Variants in CD200R1L observed in about 807,000 individuals in gnomAD.
The protein encoded by CD200R1L is cell surface glycoprotein CD200 receptor 2.
A neutral mutation model predicts 24.8 loss-of-function variants in CD200R1L; 14 were observed. The observed-to-expected ratio is 0.56, with a 90% CI of 0.37 to 0.88. CD200R1L has a LOEUF of 0.88. Among genes scored for constraint, CD200R1L ranks in the 40% least tolerant of loss-of-function variants. CD200R1L has a pLI of 0.00. For missense variants in CD200R1L, 299 were observed against 297.8 expected (o/e 1.00, Z -0.03); for synonymous variants, 111 against 109.2 (o/e 1.02, Z -0.11).
Position 112,819,683 on chromosome 3 carries a change from C to A in CD200R1L, c.740+89G>T, listed in dbSNP as rs1289023284. The A allele has an allele frequency of 5.1e-6, 7 of 1,372,652 alleles. No homozygotes were observed. In the East Asian group the frequency reaches 1.3e-4, roughly 26 times the overall value. The allele number at this position is 1,372,652 out of a possible 1,614,324, so 85.0% of individuals were successfully genotyped here. A position where few individuals can be genotyped will look rare whatever the true frequency, so the allele number is the denominator to read the frequency against. On this transcript the variant is annotated intron_variant, in intron 7 of 7. Coordinates refer to ENST00000488794, the MANE Select transcript of CD200R1L (RefSeq NM_001199215.3). The stretch of plus-strand genomic sequence containing the variant: ...TACAACATACCAAAAAAGTGTCAAG[C>A]TTTTCCCAGTACATTGTAAACTCAA...
chr3:112,822,317 G>A (rs1415629652), intron 6 of CD200R1L, among the ~76,000 whole-genome samples: 1 of 152,126 alleles, frequency 6.6e-6, no homozygotes, highest in Non-Finnish European at 1.5e-5. Context: ...CTTCAGGATG[G>A]GGCTGGTAAT....
At chr3:112,818,458 C>A (rs926731941) in intron 7 of CD200R1L, among the ~76,000 whole-genome samples, 1 of 152,228 alleles carries the variant, frequency 6.6e-6, no homozygotes, top group South Asian at 2.1e-4. Flanking sequence ...AATGCAAATA[C>A]TGCTAAAAAT....
chr3:112,846,473 G>T (rs918902514), intron 1 of CD200R1L, among the ~76,000 whole-genome samples, 152 bp downstream of exon 1: 2 of 152,170 alleles, frequency 1.3e-5, no homozygotes, highest in African/African-American at 4.8e-5. Context: ...TTTGGTCTAT[G>T]TGTACATTCA....
intron 7 of CD200R1L, among the ~76,000 whole-genome samples, chr3:112,817,488 C>T (rs1378033900): frequency 1.3e-5 from 2 of 152,132 alleles, no homozygotes; most frequent in South Asian, 4.1e-4. Flanking sequence ...AAACACCTCC[C>T]ACATAACATC....
intron 3 of CD200R1L, among the ~76,000 whole-genome samples, chr3:112,834,957 GT>G (rs889195693): frequency 2.0e-5 from 3 of 152,348 alleles, no homozygotes; most frequent in Admixed American, 2.0e-4. Context: ...CTAAAAGGGT[GT>G]CACAGCCCTG....
chr3:112,835,227 C>T (rs976413471), intron 3 of CD200R1L, among the ~76,000 whole-genome samples: 5 of 152,244 alleles, frequency 3.3e-5, no homozygotes, highest in Middle Eastern at 3.4e-3. Context: ...AGAGGAGACC[C>T]GAGTGGGTAG....
At chr3:112,836,033 A>G (rs955991076) in intron 3 of CD200R1L, among the ~76,000 whole-genome samples, 4 of 152,222 alleles carry the variant, frequency 2.6e-5, no homozygotes, top group Non-Finnish European at 5.9e-5. Context: ...AATGAACCCA[A>G]TGCGACCAGG....
At chr3:112,817,799 T>A (rs1348168724) in intron 7 of CD200R1L, among the ~76,000 whole-genome samples, 1 of 152,192 alleles carries the variant, frequency 6.6e-6, no homozygotes, top group Non-Finnish European at 1.5e-5. Flanking sequence ...ATAGGCCAAA[T>A]CACCAGTTTG....
intron 6 of CD200R1L, among the ~76,000 whole-genome samples, chr3:112,824,615 C>T (rs72950317): frequency 0.024 from 3,607 of 152,284 alleles, 145 homozygotes; most frequent in African/African-American, 0.08. Context: ...AATAAATCTA[C>T]TTAAGAAAAC....
In CD200R1L at chr3:112,830,498, GTTTTTTTTT is replaced by G. The variant is rs11391916; in HGVS notation, c.-17-1123_-17-1115del. Among the ~76,000 whole-genome samples the G allele has an allele frequency of 5.1e-3, 521 of 102,040 alleles. 4 individuals carry two copies. The highest frequency in any genetic ancestry group is 0.019 in the African/African-American group (501 of 25,722). 66.9% of individuals were successfully genotyped at this position (102,040 alleles called of 152,430 possible). ...CCTACGTTATACTCTTGTCATTGCAGTTTTTTTTTTTTTTTTTTTTGCATTGTCTCATTT... is the reference window on the plus strand; with the variant it reads ...CCTACGTTATACTCTTGTCATTGCAGTTTTTTTTTTTGCATTGTCTCATTT... On this transcript the variant is annotated intron_variant, in intron 3 of 7. Coordinates refer to ENST00000488794, the MANE Select transcript of CD200R1L (RefSeq NM_001199215.3).
chr3:112,843,206 G>C (rs891761325), intron 2 of CD200R1L, among the ~76,000 whole-genome samples: 2 of 152,130 alleles, frequency 1.3e-5, no homozygotes, highest in African/African-American at 4.8e-5. Flanking sequence ...GCAAATTTGA[G>C]AAATTCAGAC....
At chr3:112,820,607 T>C (rs1484451362) in intron 6 of CD200R1L, among the ~76,000 whole-genome samples, 2 of 151,820 alleles carry the variant, frequency 1.3e-5, no homozygotes, top group African/African-American at 4.8e-5. Context: ...ATTTTTGTAT[T>C]TTTAGGAGAG....
chr3:112,839,094 C>G (rs1350087880), intron 2 of CD200R1L, among the ~76,000 whole-genome samples: 1 of 152,092 alleles, frequency 6.6e-6, no homozygotes, highest in Non-Finnish European at 1.5e-5. Flanking sequence ...CATAAATATA[C>G]ATACTTTCCA....
At chr3:112,829,500 T>C in intron 3 of CD200R1L, 116 bp from the exon 4 acceptor site, 1 of 1,288,522 alleles carries the variant, frequency 7.8e-7, no homozygotes, top group Non-Finnish European at 1.0e-6. Flanking sequence ...ATAACTAAAA[T>C]TATACAAAAA....
chr3:112,826,524 C>T (rs1262274480), intron 6 of CD200R1L, among the ~76,000 whole-genome samples: 4 of 152,136 alleles, frequency 2.6e-5, no homozygotes, highest in African/African-American at 7.2e-5. Flanking sequence ...TGGACCTTAG[C>T]TTTTCATCTT....
intron 6 of CD200R1L, among the ~76,000 whole-genome samples, chr3:112,822,575 C>A (rs901243321): frequency 6.6e-6 from 1 of 152,180 alleles, no homozygotes. Flanking sequence ...GAGGTTGGCA[C>A]TCCCAGAGAC....
Position 112,827,363 on chromosome 3 carries a change from T to C in CD200R1L, c.367+4A>G, listed in dbSNP as rs778323607. 2.5e-6 allele frequency: 4 copies of C among 1,611,980 alleles called. No individual in the cohort carries two copies. The East Asian group carries it at 8.9e-5, about 36-fold the overall frequency. ...GAAATACCTCAGTATGTGATGCTCC[T>C]TACCTAACACTTGGAGGTGATATCC... On this transcript the variant is annotated splice_donor_region_variant and intron_variant, in intron 5 of 7. Transcript: ENST00000488794.
intron 1 of CD200R1L, among the ~76,000 whole-genome samples, chr3:112,846,310 T>G: frequency 6.6e-6 from 1 of 152,244 alleles, no homozygotes; most frequent in East Asian, 1.9e-4. Context: ...TTCACATGCA[T>G]GAAATTCTTT....
At chr3:112,820,373 G>A (rs1247523422) in intron 6 of CD200R1L, among the ~76,000 whole-genome samples, 1 of 152,066 alleles carries the variant, frequency 6.6e-6, no homozygotes, top group African/African-American at 2.4e-5. Context: ...ATTTACCTGT[G>A]AAATGGCCCT....
Sources: gnomAD v4.1 joint callset for allele counts (sites outside exome capture counted in the v4.1 genomes callset) on GRCh38, gnomAD v4.1.1 for gene constraint, MANE v1.5 for transcripts, NCBI Gene and HGNC (gene_info 2026-07-23, HGNC 2026-07-21) for gene names.